PRDM16: variants seen among roughly 807,000 people sequenced by gnomAD.
The protein encoded by PRDM16 is histone-lysine N-methyltransferase PRDM16.
PRDM16 carries 23 observed loss-of-function variants against 110.6 expected under a neutral mutation model. That is an observed-to-expected ratio of 0.21 (90% confidence interval 0.15 to 0.29). PRDM16 has a LOEUF of 0.29. PRDM16 is among the 10% of genes least tolerant of loss of function. The pLI is 1.00. For missense variants in PRDM16, 1,615 were observed against 1,794.3 expected, an observed-to-expected ratio of 0.90 and a Z score of 1.81; for synonymous variants, 799 against 781.8, an observed-to-expected ratio of 1.02 and a Z score of -0.37.
intron 1 of PRDM16, among the ~76,000 whole-genome samples, chr1:3,075,717 G>A (rs901716963): frequency 2.4e-4 from 36 of 152,396 alleles, no homozygotes; most frequent in African/African-American, 7.9e-4. Context: ...CGCTGATGGC[G>A]GTGCCGTTTC....
chr1:3,318,615 T>C (rs1268417940), intron 3 of PRDM16, among the ~76,000 whole-genome samples: 1 of 152,210 alleles, frequency 6.6e-6, no homozygotes, highest in Middle Eastern at 3.2e-3. Flanking sequence ...TATCTATCAA[T>C]TATCTATCTG....
intron 1 of PRDM16, among the ~76,000 whole-genome samples, chr1:3,070,238 G>C (rs1160374785): frequency 6.6e-6 from 1 of 151,012 alleles, no homozygotes; most frequent in East Asian, 1.9e-4. Context: ...CGTCTCGGCC[G>C]AGCCCCGGGC....
At chr1:3,329,281 T>C (rs1641992050) in intron 3 of PRDM16, among the ~76,000 whole-genome samples, 1 of 152,244 alleles carries the variant, frequency 6.6e-6, no homozygotes, top group African/African-American at 2.4e-5. Flanking sequence ...GCAGAAATGC[T>C]TGGAGTTGGG....
At chr1:3,405,440 CA>C (rs1643545498) in intron 7 of PRDM16, 54 bp from the exon 8 acceptor site, 2 of 1,498,584 alleles carry the variant, frequency 1.3e-6, no homozygotes, top group East Asian at 2.4e-5. Context: ...CAGCCAGAAC[CA>C]GGCCAAGGCG....
chr1:3,114,653 C>T (rs1341867623), intron 1 of PRDM16, among the ~76,000 whole-genome samples: 1 of 152,036 alleles, frequency 6.6e-6, no homozygotes, highest in Non-Finnish European at 1.5e-5. Context: ...AGCACACACA[C>T]GTGCACACAC....
At chr1:3,295,781 C>CA (rs1641076347) in intron 3 of PRDM16, among the ~76,000 whole-genome samples, 1 of 152,152 alleles carries the variant, frequency 6.6e-6, no homozygotes, top group South Asian at 2.1e-4. Context: ...AGGCTGAAGA[C>CA]ACCACGCGTG....
intron 3 of PRDM16, among the ~76,000 whole-genome samples, chr1:3,347,868 C>T (rs921598904): frequency 1.3e-5 from 2 of 152,144 alleles, no homozygotes; most frequent in African/African-American, 2.4e-5. Flanking sequence ...GAAGGGGTTC[C>T]TTGTGCAAAG....
chr1:3,147,206 C>A (rs1051111881), intron 1 of PRDM16, among the ~76,000 whole-genome samples: 26 of 150,596 alleles, frequency 1.7e-4, no homozygotes, highest in African/African-American at 6.1e-4. Flanking sequence ...CGTGTGTGTT[C>A]AGTGTGGGGT....
chr1:3,181,070 A>AC (rs1383963361), intron 1 of PRDM16, among the ~76,000 whole-genome samples: 1 of 142,332 alleles, frequency 7.0e-6, no homozygotes, highest in Non-Finnish European at 1.5e-5. Flanking sequence ...GGTCTTACAC[A>AC]CCCGGTCTTA....
chr1:3,361,178 G>A (rs997972372), intron 3 of PRDM16, among the ~76,000 whole-genome samples: 1 of 152,224 alleles, frequency 6.6e-6, no homozygotes, highest in Non-Finnish European at 1.5e-5. Flanking sequence ...CCCTTTGGGA[G>A]GCCCCCGTCC....
At chr1:3,431,766 C>T (rs1638775628) in intron 15 of PRDM16, among the ~76,000 whole-genome samples, 200 bp from the exon 16 acceptor site, 1 of 152,270 alleles carries the variant, frequency 6.6e-6, no homozygotes, top group Non-Finnish European at 1.5e-5. Flanking sequence ...CCCTCCCTGA[C>T]CTCTGTCCGT....
At chr1:3,181,222 TCTTACACACGG>T in intron 1 of PRDM16, among the ~76,000 whole-genome samples, 1 of 80,662 alleles carries the variant, frequency 1.2e-5, no homozygotes, top group Non-Finnish European at 2.9e-5. Flanking sequence ...ACACACGCAG[TCTTACACACGG>T]TCTTACACAC....
At chr1:3,179,243 G>C (rs1361201921) in intron 1 of PRDM16, among the ~76,000 whole-genome samples, 4 of 152,272 alleles carry the variant, frequency 2.6e-5, no homozygotes, top group Non-Finnish European at 4.4e-5. Flanking sequence ...GGACTAGGGT[G>C]AGGCAGAGAG....
At position 3,350,925 on chromosome 1, in the gene PRDM16, T is replaced by G. The variant is rs1382144829; in HGVS notation, c.439-34227T>G. On this transcript the variant is annotated intron_variant, in intron 3 of 16. Transcript: ENST00000270722. The surrounding 1 kb of genome is among the most constrained non-coding windows in gnomAD (Gnocchi z 7.1). The stretch of plus-strand genomic sequence containing the variant: ...TCTGAAGGGGACTTGGGGATTCACT[T>G]CAGCTCTCGCTTTATTATGGAGCCT... Among the ~76,000 whole-genome samples the G allele has an allele frequency of 6.6e-6, 1 of 152,172 alleles. No individual in the cohort carries two copies. The highest frequency in any genetic ancestry group is 1.5e-5 in the Non-Finnish European group (1 of 68,020).
At position 3,433,920 on chromosome 1, in the gene PRDM16, C is replaced by T; in HGVS notation, c.*109C>T. The T allele has an allele frequency of 2.8e-6, 3 of 1,074,444 alleles. No individual in the cohort carries two copies. Among genetic ancestry groups the T allele is most frequent in the Non-Finnish European group, 4.0e-6 (3 of 751,684 alleles). The allele number at this position is 1,074,444 out of a possible 1,614,324, so 66.6% of individuals were successfully genotyped here. On this transcript the variant is annotated 3_prime_UTR_variant, in exon 17 of 17. Transcript: ENST00000270722. ...GTCCCTGCGTGTGGCCACTCCTCAG[C>T]ATCCTCCCCACCCACCATGGTTCAT...
At chr1:3,389,175 C>G (rs1643251303) in intron 4 of PRDM16, among the ~76,000 whole-genome samples, 1 of 152,176 alleles carries the variant, frequency 6.6e-6, no homozygotes, top group Non-Finnish European at 1.5e-5. Context: ...GGGACAGGGG[C>G]TTGAGAACAT....
At chr1:3,341,013 TA>T (rs570668388) in intron 3 of PRDM16, among the ~76,000 whole-genome samples, 9 of 152,138 alleles carry the variant, frequency 5.9e-5, no homozygotes, top group African/African-American at 2.2e-4. Flanking sequence ...GGCTCCAGGC[TA>T]GGGAGGGGGA....
intron 1 of PRDM16, among the ~76,000 whole-genome samples, chr1:3,181,374 A>G (rs1436465354): frequency 4.6e-5 from 1 of 21,526 alleles, no homozygotes; most frequent in Non-Finnish European, 1.1e-4. Context: ...TTACACACGC[A>G]GTCTTACACA....
At chr1:3,422,068 ACAGG>A (rs1189065185) in intron 12 of PRDM16, among the ~76,000 whole-genome samples, 1 of 149,222 alleles carries the variant, frequency 6.7e-6, no homozygotes, top group African/African-American at 2.5e-5. Context: ...AGGCAGACAG[ACAGG>A]CAGGGCAGAC....
Sources: allele counts gnomAD v4.1 joint callset (sites outside exome capture counted in the v4.1 genomes callset), GRCh38; gene constraint gnomAD v4.1.1; non-coding constraint Gnocchi (gnomAD v3.1); transcripts MANE v1.5; gene names NCBI Gene and HGNC (gene_info 2026-07-23, HGNC 2026-07-21).